Variants in TRIM23 observed in about 807,000 individuals in gnomAD.
TRIM23 encodes E3 ubiquitin-protein ligase TRIM23.
A neutral mutation model predicts 71.0 loss-of-function variants in TRIM23; 27 were observed. The observed-to-expected ratio is 0.38, with a 90% CI of 0.28 to 0.52. The LOEUF is 0.52. TRIM23 is among the 20% of genes least tolerant of loss of function. The pLI, the probability that TRIM23 is intolerant of heterozygous loss-of-function variation, is 0.84. For missense variants in TRIM23, 482 were observed against 692.3 expected, an observed-to-expected ratio of 0.70 and a Z score of 3.41; for synonymous variants, 234 against 238.0, an observed-to-expected ratio of 0.98 and a Z score of 0.16.
intron 2 of TRIM23, among the ~76,000 whole-genome samples, chr5:65,617,297 T>C (rs186201240): frequency 1.7e-4 from 26 of 152,316 alleles, no homozygotes; most frequent in Middle Eastern, 3.4e-3. Flanking sequence ...CCTAAAATTA[T>C]AGGTACTCTT....
At chr5:65,613,040 A>G (rs969969699) in intron 3 of TRIM23, among the ~76,000 whole-genome samples, 2 of 152,174 alleles carry the variant, frequency 1.3e-5, no homozygotes, top group African/African-American at 2.4e-5. Flanking sequence ...ATTTTTTCAA[A>G]AATAAAAATG....
chr5:65,612,125 C>T (rs1436889205), intron 3 of TRIM23, among the ~76,000 whole-genome samples: 1 of 152,188 alleles, frequency 6.6e-6, no homozygotes, highest in Non-Finnish European at 1.5e-5. Flanking sequence ...AAAAATAGAA[C>T]TATTCTCATA....
At chr5:65,608,228 A>G (rs920126297) in intron 6 of TRIM23, among the ~76,000 whole-genome samples, 1 of 152,098 alleles carries the variant, frequency 6.6e-6, no homozygotes. Flanking sequence ...GTCTCCTCAC[A>G]TGAGTAACTA....
At position 65,590,661 on chromosome 5, in the gene TRIM23, ATAAT is replaced by A; in HGVS notation, c.*1104_*1107del. The A allele has an allele frequency of 1.0e-6, 1 of 983,880 alleles. No individual in the cohort carries two copies. The highest frequency in any genetic ancestry group is 4.7e-5 in the South Asian group (1 of 21,144). The allele number at this position is 983,880 out of a possible 1,614,324, so 60.9% of individuals were successfully genotyped here. ...CATTTTTATTTACTCACAACACTGA[ATAAT>A]TAATGTAAACTTTTTGAATTTTTTT... On this transcript the variant is annotated 3_prime_UTR_variant, in exon 11 of 11. Transcript: ENST00000231524.
Position 65,613,981 on chromosome 5 carries a change from T to C in TRIM23, c.366+117A>G, listed in dbSNP as rs1754717572. 9.1e-6 allele frequency: 14 copies of C among 1,541,972 alleles called. No homozygotes were observed. The East Asian group carries it at 1.1e-4, about 13-fold the overall frequency. ...TTCAGAACTGTAATGTAATGAAAAG[T>C]TGTGTTTCTAGAAATTTACCTGCTG... On this transcript the variant is annotated intron_variant, in intron 3 of 10. Transcript: ENST00000231524.
chr5:65,590,756 A>G lies in TRIM23; in HGVS notation c.*1013T>C, dbSNP rs1489355342. 1 of 984,994 alleles carries G rather than the reference A, an allele frequency of 1.0e-6. No individual in the cohort carries two copies. Among genetic ancestry groups the G allele is most frequent in the Non-Finnish European group, 1.2e-6 (1 of 829,868 alleles). 61.0% of individuals were successfully genotyped at this position (984,994 alleles called of 1,614,324 possible). ...CTTCTCATGAACAGCCTTAAGTTTTATTGTCAAAATAAATGCACTTATTTT... is the reference window on the plus strand; with the variant it reads ...CTTCTCATGAACAGCCTTAAGTTTTGTTGTCAAAATAAATGCACTTATTTT... On this transcript the variant is annotated 3_prime_UTR_variant, in exon 11 of 11. Transcript: ENST00000231524.
chr5:65,595,473 G>T (rs1357381849), intron 9 of TRIM23, among the ~76,000 whole-genome samples: 2 of 151,424 alleles, frequency 1.3e-5, no homozygotes, highest in African/African-American at 4.9e-5. Flanking sequence ...CAGGAGAATG[G>T]CGTGAACCTG....
intron 7 of TRIM23, 135 bp downstream of exon 7, chr5:65,604,776 C>A: frequency 2.7e-6 from 2 of 739,062 alleles, no homozygotes; most frequent in Non-Finnish European, 4.0e-6. Flanking sequence ...TTTCTATTTT[C>A]CACTGATAAA....
At chr5:65,594,260 T>C (rs1185162525) in intron 10 of TRIM23, among the ~76,000 whole-genome samples, 1 of 152,234 alleles carries the variant, frequency 6.6e-6, no homozygotes, top group African/African-American at 2.4e-5. Flanking sequence ...GTTACTTAAG[T>C]TACTTATCAG....
intron 5 of TRIM23, 38 bp from the exon 6 acceptor site, chr5:65,609,496 TTAA>T (rs1390186010): frequency 1.5e-5 from 23 of 1,568,360 alleles, no homozygotes; most frequent in Non-Finnish European, 2.0e-5. Flanking sequence ...AACTGTAATG[TTAA>T]TAAAGATTTT....
chr5:65,607,051 T>G (rs1373934371), intron 6 of TRIM23: 3 of 152,222 alleles, frequency 2.0e-5, no homozygotes, highest in Non-Finnish European at 4.4e-5. Context: ...TGCCAAGAAC[T>G]TTAGATGATG....
chr5:65,618,253 C>T lies in TRIM23; in HGVS notation c.84G>A (p.Val28=). The change falls in exon 2 of 11, where the codon GTG becomes GTA. Residue 28 remains valine, a splice_region_variant and synonymous_variant. Coordinates refer to ENST00000231524, the MANE Select transcript of TRIM23 (RefSeq NM_001656.4). ...CATCTTCACAAACTCCACACTCTAG[C>T]ACCTAATATTTGAAAAGGAAGGATG... The part of the protein sequence containing the change: ...QGSRGTAVVK[V]LECGVCEDVF... The T allele has an allele frequency of 6.2e-7, 1 of 1,607,290 alleles. No homozygotes were observed. The highest frequency in any genetic ancestry group is 8.5e-7 in the Non-Finnish European group (1 of 1,177,706).
chr5:65,624,050 C>G (rs462907), intron 1 of TRIM23, 144 bp downstream of exon 1: 530,495 of 812,092 alleles, frequency 0.65, 177,178 homozygotes, highest in African/African-American at 0.92. Flanking sequence ...ATGCAGAGGA[C>G]AGGACGAGAC....
chr5:65,607,228 T>C (rs963166158), intron 6 of TRIM23: 4 of 152,206 alleles, frequency 2.6e-5, no homozygotes, highest in African/African-American at 7.2e-5. Flanking sequence ...AATAGGTCCA[T>C]ATGAAAAATG....
intron 7 of TRIM23, among the ~76,000 whole-genome samples, chr5:65,598,250 G>A (rs570568283): frequency 4.1e-4 from 62 of 152,172 alleles, no homozygotes; most frequent in South Asian, 2.9e-3. Flanking sequence ...ACAATATATG[G>A]AACAGAACTA....
Position 65,609,374 on chromosome 5 carries a change from TTTC to T in TRIM23, c.910_912del (p.Glu304del), listed in dbSNP as rs1233076631. Reference sequence around the variant, plus strand: ...TGAGCATCAACAACACTTAGAGCCATTTCTTCTTGACGACACAGAGTTTCATGT... The same window carrying T: ...TGAGCATCAACAACACTTAGAGCCATTTCTTGACGACACAGAGTTTCATGT... On this transcript the variant is annotated inframe_deletion, in exon 6 of 11. Coordinates refer to ENST00000231524, the MANE Select transcript of TRIM23 (RefSeq NM_001656.4). 4 of 1,614,064 alleles carry T rather than the reference TTTC, an allele frequency of 2.5e-6. No individual in the cohort carries two copies. The highest frequency in any genetic ancestry group is 3.4e-6 in the Non-Finnish European group (4 of 1,180,046).
rs759507448 is a variant in TRIM23, at chr5:65,614,089, G to A, written c.366+9C>T. On this transcript the variant is annotated intron_variant, in intron 3 of 10. Transcript: ENST00000231524. Reference sequence around the variant, plus strand: ...TCGTAACAAATATTTCACCAAGTATGATCAATACCTCTCCAGATATCCCAA... The same window carrying A: ...TCGTAACAAATATTTCACCAAGTATAATCAATACCTCTCCAGATATCCCAA... 2.5e-6 allele frequency: 4 copies of A among 1,612,336 alleles called. No individual in the cohort carries two copies. The highest frequency in any genetic ancestry group is 4.5e-5 in the East Asian group (2 of 44,826).
At chr5:65,593,808 G>A (rs154858) in intron 10 of TRIM23, among the ~76,000 whole-genome samples, 94,255 of 151,930 alleles carry the variant, frequency 0.62, 29,494 homozygotes, top group South Asian at 0.65. Context: ...TCTAATTCAG[G>A]CTCTTGTTAA....
intron 6 of TRIM23, among the ~76,000 whole-genome samples, chr5:65,605,791 ATC>A (rs1262059276): frequency 2.0e-5 from 3 of 152,204 alleles, no homozygotes; most frequent in Non-Finnish European, 2.9e-5. Context: ...CGGTAGTATT[ATC>A]TGTTTTTGCT....
Sources: allele counts gnomAD v4.1 joint callset (sites outside exome capture counted in the v4.1 genomes callset), GRCh38; gene constraint gnomAD v4.1.1; transcripts MANE v1.5; gene names NCBI Gene and HGNC (gene_info 2026-07-23, HGNC 2026-07-21).